The following SURF2 variants were observed in gnomAD, a reference collection of about 807,000 sequenced individuals.
SURF2 encodes surfeit locus protein 2.
A neutral mutation model predicts 26.2 loss-of-function variants in SURF2; 32 were observed. The observed-to-expected ratio is 1.22, with a 90% confidence interval of 0.92 to 1.64. SURF2 has a LOEUF of 1.64. SURF2 is among the 40% of genes most tolerant of loss of function. The probability of loss-of-function intolerance (pLI) is 0.00; values close to 1 mark genes in which losing one functional copy is unlikely to be tolerated. For synonymous variants in SURF2, 173 were observed against 139.1 expected (o/e 1.24, Z -1.71); for missense variants, 415 against 341.6 (o/e 1.21, Z -1.69).
Position 133,357,007 on chromosome 9 carries a change from G to T in SURF2, c.172G>T (p.Ala58Ser). ...RGKKYQRLVR[A>S]SPAFDYAEFE... The stretch of plus-strand genomic sequence containing the variant: ...CAAAAAGTACCAGCGGCTGGTCCGC[G>T]CCTCCCCGGCCTTCGACTATGCAGA... The change falls in exon 2 of 6, where the codon GCC becomes TCC. Residue 58 changes from alanine to serine, a missense_variant. Coordinates refer to ENST00000371964, the MANE Select transcript of SURF2 (RefSeq NM_017503.5). 6.4e-7 allele frequency: 1 copy of T among 1,568,512 alleles called. No individual in the cohort carries two copies. Among genetic ancestry groups the T allele is most frequent in the Non-Finnish European group, 8.6e-7 (1 of 1,158,180 alleles).
At chr9:133,358,860 T>C (rs1186019773) in intron 3 of SURF2, among the ~76,000 whole-genome samples, 3 of 152,056 alleles carry the variant, frequency 2.0e-5, no homozygotes, top group African/African-American at 7.2e-5. Context: ...AGATTCAGGT[T>C]GGTTTGCGGA....
chr9:133,356,773 G>C (rs2130030245), intron 1 of SURF2, 103 bp downstream of exon 1: 177 of 1,413,224 alleles, frequency 1.3e-4, no homozygotes, highest in Non-Finnish European at 1.5e-4. Context: ...AGAGGGGAGA[G>C]GGGAGAGCAG....
At chr9:133,360,455 T>A (rs1836737404) in intron 5 of SURF2, 21 bp downstream of exon 5, 1 of 1,580,068 alleles carries the variant, frequency 6.3e-7, no homozygotes, top group Non-Finnish European at 8.6e-7. Flanking sequence ...ACCTCCTCTG[T>A]TAGTGTGGCA....
rs113834794 is a variant in SURF2 at position 133,357,453 on chromosome 9, C to T, written c.234-258C>T. On this transcript the variant is annotated intron_variant, in intron 2 of 5. Transcript: ENST00000371964. Reference sequence around the variant, plus strand: ...ATTGAGCCCTTGCTCCAGGTGGAGCCATCCTCTTGCATGAACTCATCCTGG... The same window carrying T: ...ATTGAGCCCTTGCTCCAGGTGGAGCTATCCTCTTGCATGAACTCATCCTGG... 1.8e-3 allele frequency among the ~76,000 whole-genome samples: 273 copies of T among 152,354 alleles called. 4 individuals carry two copies. In the Middle Eastern group the frequency reaches 0.031, roughly 17 times the overall value.
chr9:133,360,621 A>G (rs2130053480), intron 5 of SURF2, among the ~76,000 whole-genome samples, 187 bp downstream of exon 5: 60 of 152,376 alleles, frequency 3.9e-4, no homozygotes, highest in South Asian at 2.1e-3. Flanking sequence ...CTTCCCAGCC[A>G]GCCCCTTGTG....
chr9:133,359,850 C>T, intron 3 of SURF2, 100 bp from the exon 4 acceptor site: 1 of 1,381,792 alleles, frequency 7.2e-7, no homozygotes, highest in Admixed American at 2.6e-5. Context: ...GGCGGTGGGG[C>T]TGTGGGGCCC....
At chr9:133,360,765 T>A (rs1302756141) in intron 5 of SURF2, among the ~76,000 whole-genome samples, 1 of 152,208 alleles carries the variant, frequency 6.6e-6, no homozygotes, top group Admixed American at 6.5e-5. Flanking sequence ...CACCTTTGCC[T>A]TTGCCATCAG....
chr9:133,356,554 G>C lies in SURF2; in HGVS notation c.-39G>C, dbSNP rs1037059921. 4.7e-6 allele frequency: 7 copies of C among 1,501,376 alleles called. No individual in the cohort carries two copies. The African/African-American group carries it at 1.0e-4, about 22-fold the overall frequency. The allele number at this position is 1,501,376 out of a possible 1,614,324, so 93.0% of individuals were successfully genotyped here. A position where few individuals can be genotyped will look rare whatever the true frequency, so the allele number is the denominator to read the frequency against. Reference sequence around the variant, plus strand: ...CCCCGCCCCCGGCTCCAGGTTCTGCGAGCGGCTTCCGCCGGGCTGCTCCGC... The same window carrying C: ...CCCCGCCCCCGGCTCCAGGTTCTGCCAGCGGCTTCCGCCGGGCTGCTCCGC... On this transcript the variant is annotated 5_prime_UTR_variant, in exon 1 of 6. Coordinates refer to ENST00000371964, the MANE Select transcript of SURF2 (RefSeq NM_017503.5).
rs1836630342 is a variant in SURF2 at position 133,357,191 on chromosome 9, C to G, written c.233+123C>G. 4.7e-6 allele frequency: 6 copies of G among 1,275,228 alleles called. No individual in the cohort carries two copies. In the South Asian group the frequency reaches 1.0e-4, roughly 22 times the overall value. The allele number at this position is 1,275,228 out of a possible 1,614,324, so 79.0% of individuals were successfully genotyped here. On this transcript the variant is annotated intron_variant, in intron 2 of 5. Transcript: ENST00000371964. ...GGAGCCCTGGGACCCAGGTGGGCGC[C>G]CGGGTGCTGGAATCACCTGCGGTCC...
chr9:133,358,261 T>C (rs1836663274), intron 3 of SURF2, among the ~76,000 whole-genome samples: 1 of 152,032 alleles, frequency 6.6e-6, no homozygotes, highest in South Asian at 2.1e-4. Context: ...CTGGCTGGGC[T>C]AGTGTGCACA....
rs1000459492 is a variant in SURF2 at position 133,356,575 on chromosome 9, T to C, written c.-18T>C. The C allele has an allele frequency of 1.3e-5, 19 of 1,515,648 alleles. No homozygotes were observed. The highest frequency in any genetic ancestry group is 1.7e-5 in the Non-Finnish European group (19 of 1,139,422). 93.9% of individuals were successfully genotyped at this position (1,515,648 alleles called of 1,614,324 possible). On this transcript the variant is annotated 5_prime_UTR_variant, in exon 1 of 6. Transcript: ENST00000371964. ...CTGCGAGCGGCTTCCGCCGGGCTGC[T>C]CCGCGGGCGCGTCGGCCATGAGCGA...
Position 133,361,129 on chromosome 9 carries a change from A to G in SURF2, c.761A>G (p.Gln254Arg), listed in dbSNP as rs2130058444. The G allele has an allele frequency of 6.2e-7, 1 of 1,614,094 alleles. No homozygotes were observed. Among genetic ancestry groups the G allele is most frequent in the African/African-American group, 1.3e-5 (1 of 74,952 alleles). Residue 254 changes from glutamine (Q) to arginine (R), a missense_variant, in exon 6 of 6, where the codon CAG becomes CGG. Transcript: ENST00000371964. ...RKPKSFSSCK[Q>R]PG is the part of the protein sequence containing the mutation. Reference sequence around the variant, plus strand: ...CCCAAGAGCTTCAGCTCCTGTAAACAGCCAGGTTAATAAAAGCACATGCCG... The same window carrying G: ...CCCAAGAGCTTCAGCTCCTGTAAACGGCCAGGTTAATAAAAGCACATGCCG...
chr9:133,360,403 T>G lies in SURF2; in HGVS notation c.656T>G (p.Val219Gly). The G allele has an allele frequency of 1.2e-6, 2 of 1,612,286 alleles. No homozygotes were observed. The highest frequency in any genetic ancestry group is 1.7e-6 in the Non-Finnish European group (2 of 1,179,894). The change falls in exon 5 of 6, where the codon GTG (valine) becomes GGG (glycine). Residue 219 changes from valine to glycine, a missense_variant. Coordinates refer to ENST00000371964, the MANE Select transcript of SURF2 (RefSeq NM_017503.5). ...ATDEGRRETTVYRGLVQKRGK... is the reference protein window; with the variant it reads ...ATDEGRRETTGYRGLVQKRGK... ...GATGAGGGCAGGAGAGAGACGACCG[T>G]GTACCGAGGGCTGGTCCAGAAGCGC...
At chr9:133,357,626 G>A in intron 2 of SURF2, 85 bp from the exon 3 acceptor site, 1 of 1,326,556 alleles carries the variant, frequency 7.5e-7, no homozygotes, top group Non-Finnish European at 1.1e-6. Flanking sequence ...ATGGTAGACT[G>A]TCCAGGGATG....
rs2130046775 is a variant in SURF2, at chr9:133,360,041, G to A, written c.429G>A (p.Gly143=). 9.9e-6 allele frequency: 16 copies of A among 1,614,082 alleles called. No homozygotes were observed. Among genetic ancestry groups the A allele is most frequent in the Non-Finnish European group, 1.4e-5 (16 of 1,179,970 alleles). The change falls in exon 4 of 6, where the codon GGG becomes GGA. Residue 143 remains glycine (G), a synonymous_variant. Transcript: ENST00000371964. ...GGGAGGACCAGATGGACGGTGACGG[G>A]CCTCGCCCGCGGGAAGCCTTCTGGG... is the stretch of plus-strand genomic sequence containing the variant. ...RRREDQMDGD[G]PRPREAFWEP... is the part of the protein sequence containing the mutation.
chr9:133,358,332 TG>T (rs1836666580), intron 3 of SURF2, among the ~76,000 whole-genome samples: 3 of 151,510 alleles, frequency 2.0e-5, no homozygotes, highest in Admixed American at 6.6e-5. Flanking sequence ...GAGGGTTGGG[TG>T]GGGGCTGCAT....
At chr9:133,360,947 TTTGACCG>T in intron 5 of SURF2, 102 bp from the exon 6 acceptor site, 1 of 1,155,730 alleles carries the variant, frequency 8.7e-7, no homozygotes, top group East Asian at 2.4e-5. Flanking sequence ...TCTGTGGGTA[TTTGACCG>T]ACACCTCTGA....
intron 1 of SURF2, 23 bp from the exon 2 acceptor site, chr9:133,356,891 C>G (rs2130030879): frequency 6.5e-6 from 10 of 1,534,884 alleles, no homozygotes; most frequent in Non-Finnish European, 8.8e-6. Context: ...CTCCTGACGT[C>G]CTGCCCGCCC....
intron 5 of SURF2, 141 bp from the exon 6 acceptor site, chr9:133,360,915 G>A: frequency 1.2e-6 from 1 of 840,602 alleles, no homozygotes; most frequent in Non-Finnish European, 1.9e-6. Flanking sequence ...CAGCTGTTAA[G>A]GAAACGGGGG....
Sources: gnomAD v4.1 joint callset for allele counts (sites outside exome capture counted in the v4.1 genomes callset) on GRCh38, gnomAD v4.1.1 for gene constraint, MANE v1.5 for transcripts, NCBI Gene and HGNC (gene_info 2026-07-23, HGNC 2026-07-21) for gene names.